CUBN: variants seen among roughly 807,000 people sequenced by gnomAD.
CUBN encodes 460 kDa receptor.
A neutral mutation model predicts 405.3 loss-of-function variants in CUBN; 282 were observed. The observed-to-expected ratio is 0.70, with a 90% CI of 0.63 to 0.77. The LOEUF (loss-of-function observed/expected upper bound fraction) is 0.77. Among genes scored for constraint, CUBN ranks in the 30% least tolerant of loss-of-function variants. The probability of loss-of-function intolerance (pLI) is 0.00; values close to 1 mark genes in which losing one functional copy is unlikely to be tolerated. For synonymous variants in CUBN, 1,684 were observed against 1,617.0 expected, an observed-to-expected ratio of 1.04 and a Z score of -0.99; for missense variants, 4,514 against 4,475.2, an observed-to-expected ratio of 1.01 and a Z score of -0.25.
At chr10:16,857,041 A>G (rs1228430030) in intron 59 of CUBN, among the ~76,000 whole-genome samples, 1 of 152,160 alleles carries the variant, frequency 6.6e-6, no homozygotes, top group Non-Finnish European at 1.5e-5. Context: ...TCATGTAAAA[A>G]CATTCTACTA....
At chr10:17,005,490 C>T (rs930038459) in intron 28 of CUBN, among the ~76,000 whole-genome samples, 1 of 152,218 alleles carries the variant, frequency 6.6e-6, no homozygotes, top group Non-Finnish European at 1.5e-5. Context: ...AGCTGAAGGA[C>T]TTGCTCTTTG....
Position 16,915,071 on chromosome 10 carries a change from C to G in CUBN, c.7312G>C (p.Ala2438Pro), listed in dbSNP as rs750757983. 5.6e-6 allele frequency: 9 copies of G among 1,613,980 alleles called. No homozygotes were observed. The highest frequency in any genetic ancestry group is 7.6e-6 in the Non-Finnish European group (9 of 1,180,022). The change falls in exon 47 of 67, where the codon GCC becomes CCC. Residue 2438 changes from alanine (A) to proline (P), a missense_variant. Physicochemically the swap from Ala to Pro is conservative, Grantham distance 27 (BLOSUM62 -1). Around this residue, in one of 5 missense-constraint regions of CUBN, gnomAD observed 1,613 missense variants for 1,542.8 expected, o/e 1.05. Coordinates refer to ENST00000377833, the MANE Select transcript of CUBN (RefSeq NM_001081.4). The part of the protein sequence containing the change: ...VRFVTDGSVT[A>P]SGFRLRFESS... ...TCAAATCGCAGTCTGAATCCTGAGG[C>G]AGTCACAGAGCCGTCTGTGACAAAC...
intron 17 of CUBN, among the ~76,000 whole-genome samples, chr10:17,074,268 T>C (rs1355725454): frequency 2.6e-5 from 4 of 152,160 alleles, no homozygotes; most frequent in African/African-American, 9.7e-5. Flanking sequence ...ACCTAACCAA[T>C]GGTTCTCAGC....
At chr10:17,014,912 C>T (rs1389680308) in intron 28 of CUBN, among the ~76,000 whole-genome samples, 4 of 152,184 alleles carry the variant, frequency 2.6e-5, no homozygotes, top group African/African-American at 9.7e-5. Context: ...CAGGAGAATA[C>T]AGAAGAAGGC....
At chr10:16,976,506 T>A (rs1006357876) in intron 31 of CUBN, among the ~76,000 whole-genome samples, 1 of 152,008 alleles carries the variant, frequency 6.6e-6, no homozygotes, top group Non-Finnish European at 1.5e-5. Context: ...TATTATTATT[T>A]TTTTTTTAGA....
At chr10:17,124,709 T>C (rs981213494) in intron 4 of CUBN, among the ~76,000 whole-genome samples, 3 of 152,156 alleles carry the variant, frequency 2.0e-5, no homozygotes, top group Non-Finnish European at 4.4e-5. Context: ...ATTACAGGTG[T>C]GAGCCACCGC....
chr10:16,900,012 C>G (rs1267180497), intron 53 of CUBN, among the ~76,000 whole-genome samples: 1 of 152,196 alleles, frequency 6.6e-6, no homozygotes, highest in African/African-American at 2.4e-5. Flanking sequence ...TTTCTATGCA[C>G]AAAAACTATT....
chr10:16,981,205 A>ACACACACACACACACACAC (rs1554804644), intron 31 of CUBN, among the ~76,000 whole-genome samples: 11 of 152,172 alleles, frequency 7.2e-5, no homozygotes, highest in Admixed American at 1.3e-4. Context: ...ACACACACAG[A>ACACACACACACACACACAC]AGAGAGAAGT....
At chr10:16,975,662 C>T (rs561224892) in intron 31 of CUBN, among the ~76,000 whole-genome samples, 32 of 133,190 alleles carry the variant, frequency 2.4e-4, no homozygotes, top group African/African-American at 6.4e-4. Flanking sequence ...GAAGGAGTCT[C>T]GCTGTGTCGC....
At chr10:16,829,249 T>A (rs1838893755) in intron 65 of CUBN, among the ~76,000 whole-genome samples, 2 of 149,190 alleles carry the variant, frequency 1.3e-5, no homozygotes, top group Admixed American at 1.4e-4. Context: ...ACCTCTTCCA[T>A]CCTCCACACA....
chr10:16,988,324 C>G (rs1424009698), intron 29 of CUBN, among the ~76,000 whole-genome samples: 1 of 152,184 alleles, frequency 6.6e-6, no homozygotes, highest in East Asian at 1.9e-4. Flanking sequence ...GCGAGGCCAT[C>G]TGAACATTCT....
chr10:16,900,499 C>A, intron 53 of CUBN, 126 bp downstream of exon 53: 1 of 775,688 alleles, frequency 1.3e-6, no homozygotes, highest in Non-Finnish European at 2.3e-6. Flanking sequence ...AGGGTTGCTG[C>A]ATGAGATGAC....
intron 31 of CUBN, among the ~76,000 whole-genome samples, chr10:16,955,886 T>C (rs1843049518): frequency 6.6e-6 from 1 of 152,218 alleles, no homozygotes; most frequent in Non-Finnish European, 1.5e-5. Context: ...TCTTGTTCAC[T>C]GCAAGGTATC....
intron 16 of CUBN, among the ~76,000 whole-genome samples, chr10:17,085,158 G>A (rs903024241): frequency 2.6e-5 from 4 of 152,140 alleles, no homozygotes; most frequent in Admixed American, 2.6e-4. Context: ...ACAGCTAATA[G>A]TATTTGGCTG....
intron 12 of CUBN, among the ~76,000 whole-genome samples, chr10:17,104,032 G>A (rs558829516): frequency 1.7e-4 from 26 of 152,246 alleles, no homozygotes; most frequent in African/African-American, 5.5e-4. Context: ...AACAGGCAAC[G>A]GGAAGCCACT....
intron 24 of CUBN, 34 bp downstream of exon 24, chr10:17,045,900 C>T: frequency 1.2e-6 from 2 of 1,605,884 alleles, no homozygotes; most frequent in Non-Finnish European, 1.7e-6. Flanking sequence ...ATCAGATTGG[C>T]TTCTCCAGTA....
At chr10:17,126,950 C>A in intron 3 of CUBN, 151 bp from the exon 4 acceptor site, 1 of 802,234 alleles carries the variant, frequency 1.2e-6, no homozygotes, top group South Asian at 1.6e-5. Flanking sequence ...TCATTCCTCT[C>A]CCCTCAGGAT....
chr10:16,971,032 A>G (rs1182766333), intron 31 of CUBN, among the ~76,000 whole-genome samples: 2 of 152,184 alleles, frequency 1.3e-5, no homozygotes, highest in African/African-American at 4.8e-5. Context: ...GAAGTTTTGA[A>G]AAAACAGGAT....
At chr10:16,833,886 A>C (rs139036840) in intron 64 of CUBN, among the ~76,000 whole-genome samples, 75 of 152,278 alleles carry the variant, frequency 4.9e-4, no homozygotes, top group Middle Eastern at 3.4e-3. Context: ...AGTGAGAAAA[A>C]AAATAAAATA....
Sources: gnomAD v4.1 joint callset for allele counts (sites outside exome capture counted in the v4.1 genomes callset) on GRCh38, gnomAD v4.1.1 for gene constraint, gnomAD v4.1.1 regional missense constraint, MANE v1.5 for transcripts, NCBI Gene and HGNC (gene_info 2026-07-23, HGNC 2026-07-21) for gene names.